The following KLHDC8B variants were observed in gnomAD, a reference collection of about 807,000 sequenced individuals.
The protein encoded by KLHDC8B is kelch domain-containing protein 8B.
Under a neutral mutation model 26.3 loss-of-function variants are expected in KLHDC8B, and 19 were observed. The ratio of observed to expected loss-of-function variants is 0.72; its 90% CI spans 0.50 to 1.06. KLHDC8B has a LOEUF of 1.06. KLHDC8B is among the 50% of genes least tolerant of loss of function. The pLI, the probability that KLHDC8B is intolerant of heterozygous loss-of-function variation, is 0.00. For missense variants in KLHDC8B, 411 were observed against 488.1 expected, an observed-to-expected ratio of 0.84 and a Z score of 1.49; for synonymous variants, 150 against 188.4, an observed-to-expected ratio of 0.80 and a Z score of 1.67.
Position 49,174,853 on chromosome 3 carries a change from C to G in KLHDC8B, c.653C>G (p.Ala218Gly). Reference sequence around the variant, plus strand: ...AGCCGTCGGGCCTTTGCTGGCTGCGCCATGGCTGAAGGCAGCGTCTTTAGC... The same window carrying G: ...AGCCGTCGGGCCTTTGCTGGCTGCGGCATGGCTGAAGGCAGCGTCTTTAGC... ...LPSRRAFAGC[A>G]MAEGSVFSLG... is the part of the protein sequence containing the mutation. Residue 218 changes from alanine to glycine, a missense_variant, in exon 4 of 6, where the codon GCC becomes GGC. By Grantham distance (60) the Ala-to-Gly change is moderately conservative (BLOSUM62 0). Transcript: ENST00000332780. 1 of 1,614,126 alleles carries G rather than the reference C, an allele frequency of 6.2e-7. No homozygotes were observed. The highest frequency in any genetic ancestry group is 8.5e-7 in the Non-Finnish European group (1 of 1,180,038).
chr3:49,174,333 G>T lies in KLHDC8B; in HGVS notation c.471G>T (p.Ser157=), dbSNP rs375567221. ...AGCCCCGTCGGGACTGCTGGCTTTC[G>T]CTACCCTCCATGCCCACACCCTGCT... The part of the protein sequence containing the change: ...VYEPRRDCWL[S]LPSMPTPCYG... The change falls in exon 3 of 6, where the codon TCG becomes TCT. Residue 157 remains serine (S), a synonymous_variant. Transcript: ENST00000332780. 5 of 1,613,760 alleles carry T rather than the reference G, an allele frequency of 3.1e-6. No homozygotes were observed. The Admixed American group carries it at 6.7e-5, about 22-fold the overall frequency.
Position 49,172,769 on chromosome 3 carries a change from C to T in KLHDC8B, c.-1C>T. 1.2e-6 allele frequency: 2 copies of T among 1,609,786 alleles called. No homozygotes were observed. Among genetic ancestry groups the T allele is most frequent in the Non-Finnish European group, 1.7e-6 (2 of 1,177,694 alleles). On this transcript the variant is annotated 5_prime_UTR_variant, in exon 2 of 6. Coordinates refer to ENST00000332780, the MANE Select transcript of KLHDC8B (RefSeq NM_173546.3). Reference sequence around the variant, plus strand: ...ATGGCCTGCCACTGGCAGTGAACACCATGTCTGCAGGAGGTGGCCGGGCCT... The same window carrying T: ...ATGGCCTGCCACTGGCAGTGAACACTATGTCTGCAGGAGGTGGCCGGGCCT...
In KLHDC8B at chr3:49,175,875, G is replaced by A. The variant is rs752976713; in HGVS notation, c.*74G>A. 2.8e-6 allele frequency: 4 copies of A among 1,441,618 alleles called. No individual in the cohort carries two copies. The South Asian group carries it at 3.5e-5, about 13-fold the overall frequency. The allele number at this position is 1,441,618 out of a possible 1,614,324, so 89.3% of individuals were successfully genotyped here. On this transcript the variant is annotated 3_prime_UTR_variant, in exon 6 of 6. Transcript: ENST00000332780. ...TATTTCTATGGCTCCTTTTGCTGCT[G>A]AGGACACTCACTGTGGCTCTGTGGG... is the stretch of plus-strand genomic sequence containing the variant.
At chr3:49,175,385 C>T (rs960153549) in intron 5 of KLHDC8B, among the ~76,000 whole-genome samples, 1 of 152,180 alleles carries the variant, frequency 6.6e-6, no homozygotes, top group African/African-American at 2.4e-5. Flanking sequence ...CAAGGGTCTA[C>T]GAGACAGCAG....
chr3:49,175,344 C>T (rs956558041), intron 5 of KLHDC8B, among the ~76,000 whole-genome samples, 181 bp downstream of exon 5: 20 of 152,212 alleles, frequency 1.3e-4, no homozygotes, highest in African/African-American at 4.8e-4. Context: ...CAGGGTGTTC[C>T]TCAGTGACTG....
chr3:49,175,263 G>T lies in KLHDC8B; in HGVS notation c.868+100G>T, dbSNP rs906593189. ...TTCTGCCCATCTCCAGGCACTCCAG[G>T]GGTCAGGGCTTTGTGAGCTCTTTTC... On this transcript the variant is annotated intron_variant, in intron 5 of 5. Transcript: ENST00000332780. 1.7e-5 allele frequency: 16 copies of T among 927,778 alleles called. No homozygotes were observed. The African/African-American group carries it at 2.7e-4, about 15-fold the overall frequency. The allele number at this position is 927,778 out of a possible 1,614,324, so 57.5% of individuals were successfully genotyped here.
rs1419742528 is a variant in KLHDC8B, at chr3:49,173,095, G to A, written c.326G>A (p.Arg109His). The A allele has an allele frequency of 3.8e-6, 6 of 1,584,664 alleles. No homozygotes were observed. In the African/African-American group the frequency reaches 5.4e-5, roughly 14 times the overall value. ...AFLMDEGRWE[R>H]RATLPQAAMG... ...CTGATGGATGAGGGCCGCTGGGAGC[G>A]TCGGGCCACCCTCCCTCAAGCAGCC... The change falls in exon 2 of 6, where the codon CGT becomes CAT. Residue 109 changes from arginine (R) to histidine (H), a missense_variant. Physicochemically the swap from Arg to His is conservative, Grantham distance 29. Coordinates refer to ENST00000332780, the MANE Select transcript of KLHDC8B (RefSeq NM_173546.3).
chr3:49,174,890 G>C lies in KLHDC8B; in HGVS notation c.690G>C (p.Leu230=). ...AEGSVFSLGG[L]QQPGPHNFYS... is the part of the protein sequence containing the mutation. ...GCAGCGTCTTTAGCCTGGGTGGCCT[G>C]CAGCAGCCTGGGCCCCACAACTTCT... The change falls in exon 4 of 6, where the codon CTG becomes CTC. Residue 230 remains leucine, a synonymous_variant. Transcript: ENST00000332780. The C allele has an allele frequency of 3.7e-6, 6 of 1,614,200 alleles. No individual in the cohort carries two copies. The highest frequency in any genetic ancestry group is 5.1e-6 in the Non-Finnish European group (6 of 1,180,044).
At position 49,172,957 on chromosome 3, in the gene KLHDC8B, C is replaced by T. The variant is rs376897933; in HGVS notation, c.188C>T (p.Ala63Val). 3.7e-6 allele frequency: 6 copies of T among 1,613,950 alleles called. No individual in the cohort carries two copies. The highest frequency in any genetic ancestry group is 5.1e-6 in the Non-Finnish European group (6 of 1,179,976). The change falls in exon 2 of 6, where the codon GCA (alanine) becomes GTA (valine). Residue 63 changes from alanine (A) to valine (V), a missense_variant. By Grantham distance (64) the Ala-to-Val change is moderately conservative (BLOSUM62 0). Coordinates refer to ENST00000332780, the MANE Select transcript of KLHDC8B (RefSeq NM_173546.3). ...GCCTCGCACACATGGCTGGCACTGG[C>T]ACCCCTGCCCACTGCCCGGGCTGGT... is the stretch of plus-strand genomic sequence containing the variant. ...DMASHTWLAL[A>V]PLPTARAGAA...
In KLHDC8B at chr3:49,174,748, G is replaced by A. The variant is rs2045806140; in HGVS notation, c.548G>A (p.Arg183His). Residue 183 changes from arginine to histidine, a missense_variant, in exon 4 of 6, where the codon CGC becomes CAC. Coordinates refer to ENST00000332780, the MANE Select transcript of KLHDC8B (RefSeq NM_173546.3). ...HGNKIYVLGG[R>H]QGKLPVTAFE... ...ACCCCAATTCCATTGACAGGGGGCCGCCAGGGCAAGCTCCCGGTGACTGCT... is the reference window on the plus strand; with the variant it reads ...ACCCCAATTCCATTGACAGGGGGCCACCAGGGCAAGCTCCCGGTGACTGCT... The A allele has an allele frequency of 1.3e-5, 21 of 1,602,656 alleles. No homozygotes were observed. The East Asian group carries it at 3.6e-4, about 27-fold the overall frequency.
At chr3:49,174,060 G>A (rs2045795687) in intron 2 of KLHDC8B, 179 bp from the exon 3 acceptor site, 1 of 503,756 alleles carries the variant, frequency 2.0e-6, no homozygotes, top group African/African-American at 2.0e-5. Context: ...GCCCTGGCCA[G>A]AGTAGGAATC....
In KLHDC8B at chr3:49,174,222, T is replaced by C. The variant is rs375978696; in HGVS notation, c.377-17T>C. The C allele has an allele frequency of 7.6e-5, 121 of 1,590,156 alleles. No homozygotes were observed. The highest frequency in any genetic ancestry group is 9.6e-5 in the Non-Finnish European group (112 of 1,162,522). On this transcript the variant is annotated splice_polypyrimidine_tract_variant and intron_variant, in intron 2 of 5. Coordinates refer to ENST00000332780, the MANE Select transcript of KLHDC8B (RefSeq NM_173546.3). The stretch of plus-strand genomic sequence containing the variant: ...TGGCAGGCTGAGGTACAATCTGAAC[T>C]ACTCTTTTCTATGCAGATGGTATGG...
intron 2 of KLHDC8B, among the ~76,000 whole-genome samples, chr3:49,173,577 G>A (rs1468703225): frequency 6.6e-6 from 1 of 152,172 alleles, no homozygotes; most frequent in Admixed American, 6.5e-5. Context: ...AGGCCAAGCT[G>A]ATCTGGGATG....
Position 49,174,755 on chromosome 3 carries a change from C to T in KLHDC8B, c.555C>T (p.Gly185=), listed in dbSNP as rs1448448655. The T allele has an allele frequency of 1.2e-6, 2 of 1,605,334 alleles. No individual in the cohort carries two copies. The highest frequency in any genetic ancestry group is 1.1e-5 in the South Asian group (1 of 90,698). ...NKIYVLGGRQ[G]KLPVTAFEAF... ...TTCCATTGACAGGGGGCCGCCAGGG[C>T]AAGCTCCCGGTGACTGCTTTTGAAG... The change falls in exon 4 of 6, where the codon GGC becomes GGT. Residue 185 remains glycine, a synonymous_variant. Coordinates refer to ENST00000332780, the MANE Select transcript of KLHDC8B (RefSeq NM_173546.3).
At chr3:49,171,848 T>G (rs950364744) in intron 1 of KLHDC8B, among the ~76,000 whole-genome samples, 163 bp downstream of exon 1, 1 of 151,464 alleles carries the variant, frequency 6.6e-6, no homozygotes, top group African/African-American at 2.4e-5. Context: ...GAGAAAGGGG[T>G]GGCTGGAGAA....
In KLHDC8B at chr3:49,176,047, C is replaced by T; in HGVS notation, c.*246C>T. 1 of 507,256 alleles carries T rather than the reference C, an allele frequency of 2.0e-6. No individual in the cohort carries two copies. Among genetic ancestry groups the T allele is most frequent in the Non-Finnish European group, 3.5e-6 (1 of 286,718 alleles). 31.4% of individuals were successfully genotyped at this position (507,256 alleles called of 1,614,324 possible). A position where few individuals can be genotyped will look rare whatever the true frequency, so the allele number is the denominator to read the frequency against. ...GAATCATGCCTAGCTCCATCCTTGC[C>T]CTGGGACCTACTAGGCCTTCCATCC... is the stretch of plus-strand genomic sequence containing the variant. On this transcript the variant is annotated 3_prime_UTR_variant, in exon 6 of 6. Transcript: ENST00000332780.
Position 49,174,786 on chromosome 3 carries a change from G to A in KLHDC8B, c.586G>A (p.Asp196Asn). ...KLPVTAFEAF[D>N]LEARTWTRHP... ...CCCGGTGACTGCTTTTGAAGCCTTT[G>A]ATCTGGAGGCCCGTACATGGACCCG... Residue 196 changes from aspartate to asparagine, a missense_variant, in exon 4 of 6, where the codon GAT becomes AAT. Transcript: ENST00000332780. 6.2e-7 allele frequency: 1 copy of A among 1,613,520 alleles called. No homozygotes were observed. Among genetic ancestry groups the A allele is most frequent in the East Asian group, 2.2e-5 (1 of 44,870 alleles).
Position 49,175,709 on chromosome 3 carries a change from C to T in KLHDC8B, c.973C>T (p.Leu325=). 6.2e-7 allele frequency: 1 copy of T among 1,613,964 alleles called. No homozygotes were observed. Among genetic ancestry groups the T allele is most frequent in the Non-Finnish European group, 8.5e-7 (1 of 1,179,936 alleles). ...CACTGCCCGCTGCTCCTGCTCTAGT[C>T]TGCAGGCTGGGCCCCGGCTGTTTGT... ...MPTARCSCSS[L]QAGPRLFVIG... is the part of the protein sequence containing the mutation. Residue 325 remains leucine, a synonymous_variant, in exon 6 of 6, where the codon CTG becomes TTG. Coordinates refer to ENST00000332780, the MANE Select transcript of KLHDC8B (RefSeq NM_173546.3).
At position 49,175,615 on chromosome 3, in the gene KLHDC8B, A is replaced by C; in HGVS notation, c.879A>C (p.Pro293=). The C allele has an allele frequency of 6.4e-7, 1 of 1,553,266 alleles. No individual in the cohort carries two copies. Among genetic ancestry groups the C allele is most frequent in the Non-Finnish European group, 8.7e-7 (1 of 1,149,044 alleles). ...IVAIGGLGNQ[P]CPLGSVESFS... Reference sequence around the variant, plus strand: ...CTCTCCTTCTTGCAGGAAACCAGCCATGTCCTTTGGGCTCTGTGGAGAGCT... The same window carrying C: ...CTCTCCTTCTTGCAGGAAACCAGCCCTGTCCTTTGGGCTCTGTGGAGAGCT... Residue 293 remains proline (P), a synonymous_variant, in exon 6 of 6, where the codon CCA becomes CCC. Coordinates refer to ENST00000332780, the MANE Select transcript of KLHDC8B (RefSeq NM_173546.3).
Sources: gnomAD v4.1 joint callset for allele counts (sites outside exome capture counted in the v4.1 genomes callset) on GRCh38, gnomAD v4.1.1 for gene constraint, MANE v1.5 for transcripts, NCBI Gene and HGNC (gene_info 2026-07-23, HGNC 2026-07-21) for gene names.